NXPE2: variants seen among roughly 807,000 people sequenced by gnomAD.
NXPE2 encodes NXPE family member 2.
A neutral mutation model predicts 34.4 loss-of-function variants in NXPE2; 34 were observed. The ratio of observed to expected loss-of-function variants is 0.99; its 90% confidence interval spans 0.75 to 1.31. The LOEUF is 1.31. Ranked by LOEUF, NXPE2 falls within the 40% of genes most tolerant of loss-of-function variation. NXPE2 has a pLI of 0.00. For missense variants in NXPE2, 649 were observed against 672.5 expected (o/e 0.97, Z 0.39); for synonymous variants, 235 against 231.3 (o/e 1.02, Z -0.15).
chr11:114,475,226 G>GTTT, the NXPE2 span, among the ~76,000 whole-genome samples: 977 of 87,966 alleles, frequency 0.011, 204 homozygotes, highest in Non-Finnish European at 0.016. Context: ...AATGTGAACT[G>GTTT]TTTTTTTTTT....
chr11:114,572,071 C>T, the NXPE2 span, among the ~76,000 whole-genome samples: 1 of 152,150 alleles, frequency 6.6e-6, no homozygotes, highest in Non-Finnish European at 1.5e-5. Flanking sequence ...GGGTCACATC[C>T]TATGGGATTC....
At chr11:114,732,875 A>G in the NXPE2 span, among the ~76,000 whole-genome samples, 2 of 152,024 alleles carry the variant, frequency 1.3e-5, no homozygotes, top group South Asian at 4.1e-4. Context: ...TGGCCCATCA[A>G]TTGGGTCTTT....
At chr11:114,648,839 T>A in the NXPE2 span, among the ~76,000 whole-genome samples, 2 of 152,198 alleles carry the variant, frequency 1.3e-5, no homozygotes, top group African/African-American at 2.4e-5. Context: ...TGATATCTTA[T>A]AATTTGTATA....
the NXPE2 span, among the ~76,000 whole-genome samples, chr11:114,760,676 C>T: frequency 1.3e-5 from 2 of 152,170 alleles, no homozygotes; most frequent in East Asian, 1.9e-4. Flanking sequence ...CCAGCACCTT[C>T]CTCCTGTCCC....
the NXPE2 span, among the ~76,000 whole-genome samples, chr11:114,650,543 C>T: frequency 6.6e-6 from 1 of 152,088 alleles, no homozygotes; most frequent in Admixed American, 6.6e-5. Context: ...GGAGGAAGGG[C>T]AAGTACTGTT....
chr11:114,803,251 C>CTTCAGGGGACTAAG, the NXPE2 span, among the ~76,000 whole-genome samples: 1 of 152,208 alleles, frequency 6.6e-6, no homozygotes, highest in South Asian at 2.1e-4. Flanking sequence ...AACCTACACA[C>CTTCAGGGGACTAAG]TTCAGGGGAC....
At chr11:114,639,886 G>A in the NXPE2 span, among the ~76,000 whole-genome samples, 423 of 52,816 alleles carry the variant, frequency 8.0e-3, 3 homozygotes, top group East Asian at 0.018. Context: ...TATAAAATAT[G>A]TTATATATTA....
the NXPE2 span, among the ~76,000 whole-genome samples, chr11:114,647,845 G>A: frequency 1.3e-5 from 2 of 151,882 alleles, no homozygotes; most frequent in African/African-American, 2.4e-5. Flanking sequence ...AAGATTACAG[G>A]TGCCTGCCAC....
At chr11:114,636,162 A>G in the NXPE2 span, among the ~76,000 whole-genome samples, 1 of 151,872 alleles carries the variant, frequency 6.6e-6, no homozygotes, top group African/African-American at 2.4e-5. Flanking sequence ...GTCTATTCAG[A>G]GATTCAACTT....
chr11:114,523,481 T>C, the NXPE2 span, among the ~76,000 whole-genome samples: 1 of 152,202 alleles, frequency 6.6e-6, no homozygotes, highest in Non-Finnish European at 1.5e-5. Context: ...CTTTGTTTCA[T>C]TAATGAAGGA....
At chr11:114,624,357 C>T in the NXPE2 span, among the ~76,000 whole-genome samples, 1 of 151,950 alleles carries the variant, frequency 6.6e-6, no homozygotes, top group Non-Finnish European at 1.5e-5. Flanking sequence ...ATAATTATTG[C>T]CCCAGGGTAA....
At chr11:114,726,963 G>T in the NXPE2 span, among the ~76,000 whole-genome samples, 1 of 64,908 alleles carries the variant, frequency 1.5e-5, no homozygotes, top group East Asian at 4.0e-4. Flanking sequence ...GAAGACAGAA[G>T]CTTTCTCTTT....
chr11:114,651,291 G>T, the NXPE2 span, among the ~76,000 whole-genome samples: 1 of 151,806 alleles, frequency 6.6e-6, no homozygotes, highest in African/African-American at 2.4e-5. Flanking sequence ...TCGTGGTCTC[G>T]CTGACTTTAG....
chr11:114,796,043 T>C, the NXPE2 span, among the ~76,000 whole-genome samples: 5 of 152,192 alleles, frequency 3.3e-5, no homozygotes, highest in Admixed American at 1.3e-4. Context: ...AGAAAGGACA[T>C]AGGACTTGGA....
chr11:114,636,930 G>A, the NXPE2 span, among the ~76,000 whole-genome samples: 1 of 152,120 alleles, frequency 6.6e-6, no homozygotes, highest in African/African-American at 2.4e-5. Flanking sequence ...TGAAAAAAAT[G>A]TATATTCTGT....
the NXPE2 span, among the ~76,000 whole-genome samples, chr11:114,668,326 C>T: frequency 6.6e-6 from 1 of 151,740 alleles, no homozygotes; most frequent in Non-Finnish European, 1.5e-5. Context: ...AGTGAACAGG[C>T]TAACATACCA....
chr11:114,725,518 G>GC, the NXPE2 span, among the ~76,000 whole-genome samples: 4 of 150,714 alleles, frequency 2.7e-5, no homozygotes, highest in East Asian at 5.9e-4. Context: ...TTTCCTGAGT[G>GC]TTTTTTTTTA....
the NXPE2 span, among the ~76,000 whole-genome samples, chr11:114,613,899 C>T: frequency 1.3e-5 from 2 of 151,958 alleles, no homozygotes; most frequent in Admixed American, 1.3e-4. Context: ...AGTGTTGCCT[C>T]GTGGGTAACC....
chr11:114,611,865 G>C, the NXPE2 span, among the ~76,000 whole-genome samples: 1 of 151,808 alleles, frequency 6.6e-6, no homozygotes, highest in African/African-American at 2.4e-5. Flanking sequence ...ACTGTTACCT[G>C]GTGTATGAGA....
Sources: gnomAD v4.1 joint callset for allele counts (sites outside exome capture counted in the v4.1 genomes callset) on GRCh38, gnomAD v4.1.1 for gene constraint, MANE v1.5 for transcripts, NCBI Gene and HGNC (gene_info 2026-07-23, HGNC 2026-07-21) for gene names.